SUGCT: variants seen among roughly 807,000 people sequenced by gnomAD.
SUGCT encodes succinyl-CoA:glutarate-CoA transferase, also known as succinyl-CoA:glutarate CoA-transferase.
Under a neutral mutation model 55.0 loss-of-function variants are expected in SUGCT, and 41 were observed. That is an observed-to-expected ratio of 0.74 (90% CI 0.58 to 0.97). The LOEUF (loss-of-function observed/expected upper bound fraction) is 0.97. Ranked by LOEUF, SUGCT falls within the 50% of genes least tolerant of loss-of-function variation. SUGCT has a pLI of 0.00. For missense variants in SUGCT, 568 were observed against 547.8 expected, an observed-to-expected ratio of 1.04 and a Z score of -0.37; for synonymous variants, 187 against 200.4, an observed-to-expected ratio of 0.93 and a Z score of 0.56.
At chr7:40,469,634 C>T (rs950885819) in intron 11 of SUGCT, among the ~76,000 whole-genome samples, 8 of 152,144 alleles carry the variant, frequency 5.3e-5, no homozygotes, top group African/African-American at 1.9e-4. Context: ...GCTTTTTCCA[C>T]CCTGTTAGGA....
chr7:40,619,607 G>A (rs182643510), intron 12 of SUGCT, among the ~76,000 whole-genome samples: 99 of 152,244 alleles, frequency 6.5e-4, no homozygotes, highest in African/African-American at 2.2e-3. Flanking sequence ...TTTTTAATAT[G>A]TGGGAGAATA....
At chr7:40,835,234 A>T (rs965273751) in intron 13 of SUGCT, among the ~76,000 whole-genome samples, 1 of 152,150 alleles carries the variant, frequency 6.6e-6, no homozygotes, top group African/African-American at 2.4e-5. Context: ...CTTCCATTTC[A>T]CCTTACTGAC....
intron 13 of SUGCT, among the ~76,000 whole-genome samples, chr7:40,824,399 G>A (rs1282618254): frequency 2.0e-5 from 3 of 152,000 alleles, no homozygotes; most frequent in African/African-American, 7.3e-5. Context: ...AGGGAGGAGG[G>A]GAAAAACATC....
At chr7:40,447,655 A>G (rs1788916581) in intron 9 of SUGCT, among the ~76,000 whole-genome samples, 1 of 152,064 alleles carries the variant, frequency 6.6e-6, no homozygotes, top group African/African-American at 2.4e-5. Context: ...TGTTAATGGT[A>G]TTTTTATGGA....
At chr7:40,263,876 T>C (rs1044666544) in intron 7 of SUGCT, among the ~76,000 whole-genome samples, 1 of 152,166 alleles carries the variant, frequency 6.6e-6, no homozygotes, top group Non-Finnish European at 1.5e-5. Flanking sequence ...TCTTTTTTCT[T>C]CCTTTCTTCT....
At chr7:40,906,135 G>GTT in the SUGCT span, among the ~76,000 whole-genome samples, 2 of 141,556 alleles carry the variant, frequency 1.4e-5, no homozygotes, top group Admixed American at 1.4e-4. Context: ...TTTGTTTTTT[G>GTT]TTTTTTTTTT....
rs146943839 is a variant in SUGCT, at chr7:40,814,045, A to G, written c.1154-46271A>G. 3.9e-4 allele frequency among the ~76,000 whole-genome samples: 59 copies of G among 152,212 alleles called. No individual in the cohort carries two copies. In the East Asian group the frequency reaches 0.011, roughly 28 times the overall value. ...TAGGAATGCTGAAAATAGGCCCCCA[A>G]TCTCTCCTGGCTTATAAGGTTTATG... is the stretch of plus-strand genomic sequence containing the variant. On this transcript the variant is annotated intron_variant, in intron 13 of 13. Transcript: ENST00000335693.
intron 9 of SUGCT, among the ~76,000 whole-genome samples, chr7:40,438,206 C>T (rs576142634): frequency 1.3e-5 from 2 of 152,236 alleles, no homozygotes; most frequent in Admixed American, 1.3e-4. Context: ...TCTCAATTCC[C>T]CGCCTTCACA....
chr7:40,928,454 C>G, the SUGCT span, among the ~76,000 whole-genome samples: 1 of 151,866 alleles, frequency 6.6e-6, no homozygotes, highest in Non-Finnish European at 1.5e-5. Flanking sequence ...TCTATTGTTT[C>G]TTTTTATTTC....
chr7:40,975,924 T>C, the SUGCT span, among the ~76,000 whole-genome samples: 2 of 152,214 alleles, frequency 1.3e-5, no homozygotes, highest in East Asian at 3.8e-4. Context: ...AAAAGTGTTA[T>C]GGCCAATTCT....
the SUGCT span, among the ~76,000 whole-genome samples, chr7:40,913,044 C>T: frequency 6.8e-6 from 1 of 146,872 alleles, no homozygotes; most frequent in South Asian, 2.2e-4. Context: ...TGTAATCTCC[C>T]TCTGTCGCTG....
At chr7:40,862,699 T>A (rs1218080212), downstream of SUGCT, among the ~76,000 whole-genome samples, 5 of 151,736 alleles carry the variant, frequency 3.3e-5, no homozygotes, top group East Asian at 9.8e-4. Context: ...GAATTGGAAG[T>A]GTGTCCGTAA....
intron 9 of SUGCT, among the ~76,000 whole-genome samples, chr7:40,391,802 A>G (rs1785447090): frequency 6.6e-6 from 1 of 152,202 alleles, no homozygotes; most frequent in Non-Finnish European, 1.5e-5. Context: ...CCGAAGGATT[A>G]TAAGTCATGC....
chr7:40,586,577 G>A (rs1797392249), intron 12 of SUGCT, among the ~76,000 whole-genome samples: 2 of 151,896 alleles, frequency 1.3e-5, no homozygotes, highest in African/African-American at 4.9e-5. Context: ...AAAGCTCTGA[G>A]GTGATTGACA....
At chr7:40,239,018 A>G (rs1008140551) in intron 7 of SUGCT, among the ~76,000 whole-genome samples, 2 of 152,028 alleles carry the variant, frequency 1.3e-5, no homozygotes, top group African/African-American at 4.8e-5. Context: ...ACATGGTTTC[A>G]CCGTCTTGAC....
At chr7:40,522,932 C>T (rs1252977562) in intron 12 of SUGCT, among the ~76,000 whole-genome samples, 1 of 151,942 alleles carries the variant, frequency 6.6e-6, no homozygotes, top group African/African-American at 2.4e-5. Context: ...CAGTCTGTTA[C>T]AAAAAATACA....
chr7:40,340,658 C>T (rs978975526), intron 9 of SUGCT, among the ~76,000 whole-genome samples: 16 of 152,056 alleles, frequency 1.1e-4, no homozygotes, highest in African/African-American at 3.4e-4. Flanking sequence ...CAGGGAAGAC[C>T]TCAAAGTGTG....
At chr7:40,615,889 T>C (rs180919508) in intron 12 of SUGCT, among the ~76,000 whole-genome samples, 206 of 152,306 alleles carry the variant, frequency 1.4e-3, no homozygotes, top group African/African-American at 4.8e-3. Flanking sequence ...GAAAGTAAAA[T>C]AAGTGATTAA....
At chr7:40,710,203 G>T (rs1430989648) in intron 12 of SUGCT, among the ~76,000 whole-genome samples, 2 of 152,184 alleles carry the variant, frequency 1.3e-5, no homozygotes, top group Non-Finnish European at 2.9e-5. Context: ...AACATTCTCT[G>T]CATGTTAACT....
Sources: allele counts gnomAD v4.1 joint callset (sites outside exome capture counted in the v4.1 genomes callset), GRCh38; gene constraint gnomAD v4.1.1; transcripts MANE v1.5; gene names NCBI Gene and HGNC (gene_info 2026-07-23, HGNC 2026-07-21).